The following ARHGEF3 variants were observed in gnomAD, a reference collection of about 807,000 sequenced individuals.
The protein encoded by ARHGEF3 is Rho guanine nucleotide exchange factor 3, also known as 59.8 kDA protein.
In ARHGEF3, 28 loss-of-function variants were observed where a neutral mutation model predicts 63.2. That is an observed-to-expected ratio of 0.44 (90% CI 0.33 to 0.61). The LOEUF is 0.61. Ranked by LOEUF, ARHGEF3 falls within the 20% of genes least tolerant of loss-of-function variation. The probability of loss-of-function intolerance (pLI) is 0.03; values close to 1 mark genes in which losing one functional copy is unlikely to be tolerated. For missense variants in ARHGEF3, 533 were observed against 659.3 expected (o/e 0.81, Z 2.10); for synonymous variants, 266 against 254.2 (o/e 1.05, Z -0.44).
At chr3:56,831,264 C>T (rs2038922865) in intron 4 of ARHGEF3, among the ~76,000 whole-genome samples, 1 of 152,244 alleles carries the variant, frequency 6.6e-6, no homozygotes, top group African/African-American at 2.4e-5. Context: ...AGTCTACACC[C>T]TTAACCTCCA....
intron 4 of ARHGEF3, among the ~76,000 whole-genome samples, chr3:56,817,749 A>G (rs1487891899): frequency 6.6e-6 from 1 of 152,210 alleles, no homozygotes; most frequent in Non-Finnish European, 1.5e-5. Context: ...CAGCTACTAA[A>G]TAGCCATGCC....
At chr3:56,944,568 C>CGTTTTTTTTT (rs1699369087) in intron 3 of ARHGEF3, among the ~76,000 whole-genome samples, 1 of 65,834 alleles carries the variant, frequency 1.5e-5, no homozygotes, top group African/African-American at 5.6e-5. Context: ...AAAGTGGTTT[C>CGTTTTTTTTT]TTTTTTTTTT....
At chr3:56,796,067 C>G (rs565477459) in intron 1 of ARHGEF3, among the ~76,000 whole-genome samples, 1 of 152,022 alleles carries the variant, frequency 6.6e-6, no homozygotes, top group Non-Finnish European at 1.5e-5. Flanking sequence ...AACGCAGTCA[C>G]GGCAATTTCC....
chr3:56,997,910 C>A (rs902097464), intron 2 of ARHGEF3, among the ~76,000 whole-genome samples: 1 of 152,212 alleles, frequency 6.6e-6, no homozygotes. Context: ...CAAAGTCACA[C>A]TTCTCATGAA....
intron 2 of ARHGEF3, among the ~76,000 whole-genome samples, chr3:57,020,112 G>A (rs1273559950): frequency 1.3e-5 from 2 of 152,274 alleles, no homozygotes; most frequent in East Asian, 3.9e-4. Context: ...TAGTCAGGCT[G>A]GTCTCAAACT....
intron 3 of ARHGEF3, among the ~76,000 whole-genome samples, chr3:56,942,974 G>A (rs1420736974): frequency 6.6e-6 from 1 of 152,188 alleles, no homozygotes; most frequent in African/African-American, 2.4e-5. Flanking sequence ...AGCTAACAGA[G>A]GTTGGTTAGT....
intron 3 of ARHGEF3, among the ~76,000 whole-genome samples, chr3:56,945,702 G>A (rs1699454651): frequency 6.6e-6 from 1 of 152,244 alleles, no homozygotes; most frequent in Non-Finnish European, 1.5e-5. Flanking sequence ...ACCTCTAGGG[G>A]CAGGGCATAG....
intron 4 of ARHGEF3, among the ~76,000 whole-genome samples, chr3:56,823,782 G>A (rs1400033329): frequency 6.6e-6 from 1 of 152,018 alleles, no homozygotes; most frequent in Non-Finnish European, 1.5e-5. Flanking sequence ...TTTTGTAACT[G>A]CCCAGGGGAT....
chr3:56,888,004 A>G (rs2040979647), intron 3 of ARHGEF3, among the ~76,000 whole-genome samples: 2 of 152,200 alleles, frequency 1.3e-5, no homozygotes, highest in East Asian at 1.9e-4. Flanking sequence ...AAAAACCTCA[A>G]AAGTGAAGGT....
chr3:57,053,848 C>T (rs1704784507), intron 1 of ARHGEF3, among the ~76,000 whole-genome samples: 1 of 152,218 alleles, frequency 6.6e-6, no homozygotes, highest in African/African-American at 2.4e-5. Context: ...CCTTCTTTCT[C>T]ATTGCTGAGT....
At chr3:57,009,190 T>C (rs1702584274) in intron 2 of ARHGEF3, among the ~76,000 whole-genome samples, 2 of 152,210 alleles carry the variant, frequency 1.3e-5, no homozygotes, top group African/African-American at 2.4e-5. Context: ...CTTTAACATA[T>C]TGCTTAAACT....
intron 2 of ARHGEF3, among the ~76,000 whole-genome samples, chr3:57,017,030 T>TCACACACACA (rs1361265165): frequency 1.5e-5 from 1 of 67,746 alleles, no homozygotes; most frequent in African/African-American, 4.4e-5. Flanking sequence ...TCTCTCTCTC[T>TCACACACACA]CTCACACACA....
At chr3:57,033,415 G>GAA (rs1560149259) in intron 2 of ARHGEF3, among the ~76,000 whole-genome samples, 1 of 140,170 alleles carries the variant, frequency 7.1e-6, no homozygotes. Flanking sequence ...CTTGGCTGCA[G>GAA]TAAAAAAAAA....
intron 2 of ARHGEF3, among the ~76,000 whole-genome samples, chr3:56,976,589 T>C (rs1701135107): frequency 6.6e-6 from 1 of 152,210 alleles, no homozygotes; most frequent in African/African-American, 2.4e-5. Flanking sequence ...TATGGGCATT[T>C]ATAATAAATG....
At chr3:56,902,050 C>T (rs552984636) in intron 3 of ARHGEF3, among the ~76,000 whole-genome samples, 2 of 152,240 alleles carry the variant, frequency 1.3e-5, no homozygotes, top group African/African-American at 4.8e-5. Flanking sequence ...ACACTGAAAT[C>T]GCCAACAAAA....
At chr3:56,815,899 C>T (rs955630300) in intron 4 of ARHGEF3, among the ~76,000 whole-genome samples, 3 of 152,140 alleles carry the variant, frequency 2.0e-5, no homozygotes, top group Admixed American at 2.0e-4. Context: ...TAGGGCCATA[C>T]CTAATTCTGT....
At chr3:56,888,458 TG>T (rs551052159) in intron 3 of ARHGEF3, among the ~76,000 whole-genome samples, 23 of 151,742 alleles carry the variant, frequency 1.5e-4, no homozygotes, top group African/African-American at 5.3e-4. Context: ...TATATGGGGG[TG>T]GGGAGAAAGG....
chr3:56,868,749 T>C (rs936532915), intron 4 of ARHGEF3, among the ~76,000 whole-genome samples: 5 of 152,176 alleles, frequency 3.3e-5, no homozygotes, highest in East Asian at 3.9e-4. Context: ...AGAGTCAGAA[T>C]TGATCCTTTG....
At chr3:56,844,097 T>C (rs932189725) in intron 4 of ARHGEF3, among the ~76,000 whole-genome samples, 1 of 152,220 alleles carries the variant, frequency 6.6e-6, no homozygotes, top group African/African-American at 2.4e-5. Context: ...ACCTGGCACT[T>C]TAGTGCATGA....
Sources: gnomAD v4.1 joint callset for allele counts (sites outside exome capture counted in the v4.1 genomes callset) on GRCh38, gnomAD v4.1.1 for gene constraint, MANE v1.5 for transcripts, NCBI Gene and HGNC (gene_info 2026-07-23, HGNC 2026-07-21) for gene names.